CCDC18: variants seen among roughly 807,000 people sequenced by gnomAD.
CCDC18 encodes the protein coiled-coil domain-containing protein 18.
In CCDC18, 157 loss-of-function variants were observed where a neutral mutation model predicts 196.0. The ratio of observed to expected loss-of-function variants is 0.80; its 90% CI spans 0.70 to 0.91. The LOEUF (loss-of-function observed/expected upper bound fraction) is 0.91, where lower values mean the gene tolerates loss of function less well. Among genes scored for constraint, CCDC18 ranks in the 40% least tolerant of loss-of-function variants. The pLI is 0.00. For missense variants in CCDC18, 1,465 were observed against 1,611.6 expected (o/e 0.91, Z 1.56); for synonymous variants, 482 against 529.2 (o/e 0.91, Z 1.22).
rs748500228 is a variant in CCDC18, at chr1:93,201,959, A to G, written c.766A>G (p.Lys256Glu). The change falls in exon 7 of 29, where the codon AAA becomes GAA. Residue 256 changes from lysine (K) to glutamate (E), a missense_variant. Transcript: ENST00000690025. ...GCTGAGTAAAGCTTTCCAACAATAT[A>G]AAAAAAAAGTGGCTGAAAAACTGGA... ...EELSKAFQQY[K>E]KKVAEKLEKV... 1 of 1,551,808 alleles carries G rather than the reference A, an allele frequency of 6.4e-7. No homozygotes were observed. The highest frequency in any genetic ancestry group is 8.8e-7 in the Non-Finnish European group (1 of 1,136,654).
chr1:93,255,015 C>T (rs1403449808), intron 24 of CCDC18, among the ~76,000 whole-genome samples: 5 of 116,680 alleles, frequency 4.3e-5, no homozygotes, highest in Non-Finnish European at 8.1e-5. Context: ...TGCAGTGGCT[C>T]AATCTTGGCT....
chr1:93,219,867 A>T (rs1046326557), intron 14 of CCDC18, among the ~76,000 whole-genome samples: 4 of 152,182 alleles, frequency 2.6e-5, no homozygotes, highest in East Asian at 1.9e-4. Context: ...CAGAGAAAAA[A>T]TTTTTTTTCC....
In CCDC18 at chr1:93,270,518, C is replaced by T. The variant is rs753492470; in HGVS notation, c.4057C>T (p.Arg1353Cys). 328 of 1,550,218 alleles carry T rather than the reference C, an allele frequency of 2.1e-4. 1 individual carries two copies. Among genetic ancestry groups the T allele is most frequent in the Non-Finnish European group, 2.6e-4 (302 of 1,146,878 alleles). ...TTTTTCCAAGTGTACAAAATTACGT[C>T]GCTCTATTAGTGCCAGTGATCTTAC... Reference protein sequence around the residue: ...TSFSKCTKLRRSISASDLTFK... With the variant: ...TSFSKCTKLRCSISASDLTFK... The change falls in exon 28 of 29, where the codon CGC (arginine) becomes TGC (cysteine). Residue 1353 changes from arginine (R) to cysteine (C), a missense_variant. Physicochemically the swap from Arg to Cys is radical, Grantham distance 180. Transcript: ENST00000690025.
intron 12 of CCDC18, among the ~76,000 whole-genome samples, chr1:93,216,344 G>A (rs1262246983): frequency 6.6e-6 from 1 of 152,082 alleles, no homozygotes; most frequent in Non-Finnish European, 1.5e-5. Context: ...TGTCCTTTTT[G>A]GATATAGGGG....
upstream of CCDC18, chr1:93,180,124 A>T (rs771126690): frequency 6.2e-7 from 1 of 1,613,682 alleles, no homozygotes; most frequent in South Asian, 1.1e-5. Flanking sequence ...GCCGGCGGGA[A>T]GGGTAAAGGT....
chr1:93,212,043 T>C (rs976424603), intron 10 of CCDC18, 58 bp from the exon 11 acceptor site: 1 of 1,394,596 alleles, frequency 7.2e-7, no homozygotes, highest in African/African-American at 1.5e-5. Flanking sequence ...AATAGTACAG[T>C]ATGAGTTTTT....
intron 25 of CCDC18, among the ~76,000 whole-genome samples, chr1:93,257,566 T>G (rs781586906): frequency 6.6e-6 from 1 of 152,108 alleles, no homozygotes; most frequent in Non-Finnish European, 1.5e-5. Context: ...GGAACTGAAT[T>G]AAAATATTTT....
chr1:93,217,070 G>A (rs1280526896), intron 13 of CCDC18, among the ~76,000 whole-genome samples: 1 of 151,646 alleles, frequency 6.6e-6, no homozygotes, highest in Non-Finnish European at 1.5e-5. Flanking sequence ...GAGTAGCTGG[G>A]ACTACAGGCG....
At position 93,232,496 on chromosome 1, in the gene CCDC18, T is replaced by C. The variant is rs1570480081; in HGVS notation, c.2363T>C (p.Ile788Thr). 1 of 1,612,694 alleles carries C rather than the reference T, an allele frequency of 6.2e-7. No individual in the cohort carries two copies. Among genetic ancestry groups the C allele is most frequent in the Middle Eastern group, 1.7e-4 (1 of 6,060 alleles). ...SLQETSEQNV[I>T]LQHTLQQQQQ... The stretch of plus-strand genomic sequence containing the variant: ...CAAGAGACTTCTGAGCAAAACGTTA[T>C]TCTACAGCATACTCTTCAGCAACAG... Residue 788 changes from isoleucine (I) to threonine (T), a missense_variant, in exon 18 of 29, where the codon ATT (isoleucine) becomes ACT (threonine). Ile to Thr is a moderately conservative substitution (Grantham distance 89). Transcript: ENST00000690025.
chr1:93,224,640 C>T (rs1658004813), intron 16 of CCDC18, among the ~76,000 whole-genome samples: 1 of 152,162 alleles, frequency 6.6e-6, no homozygotes, highest in Admixed American at 6.5e-5. Context: ...TGCCAGATCT[C>T]ATTATTTTAA....
intron 7 of CCDC18, among the ~76,000 whole-genome samples, chr1:93,203,379 T>C (rs1654161371): frequency 6.6e-6 from 1 of 152,320 alleles, no homozygotes; most frequent in South Asian, 2.1e-4. Flanking sequence ...TTTGTATCTA[T>C]AGGTCTGGAT....
intron 18 of CCDC18, among the ~76,000 whole-genome samples, chr1:93,235,502 T>C (rs556830342): frequency 2.0e-5 from 3 of 152,280 alleles, no homozygotes; most frequent in Admixed American, 2.0e-4. Flanking sequence ...CCTCTGGCTA[T>C]GGGTTGAAGA....
At chr1:93,243,628 TC>T (rs1661121878) in intron 21 of CCDC18, among the ~76,000 whole-genome samples, 1 of 152,252 alleles carries the variant, frequency 6.6e-6, no homozygotes, top group Non-Finnish European at 1.5e-5. Flanking sequence ...CACACTCAAG[TC>T]ACCTCTGGAG....
chr1:93,185,120 G>A (rs1650407674), intron 3 of CCDC18, among the ~76,000 whole-genome samples: 1 of 151,676 alleles, frequency 6.6e-6, no homozygotes, highest in South Asian at 2.1e-4. Context: ...CTAATGAAAA[G>A]GTGTCCAATT....
At chr1:93,227,957 CA>C (rs71586784) in intron 17 of CCDC18, among the ~76,000 whole-genome samples, 1,113 of 105,144 alleles carry the variant, frequency 0.011, 8 homozygotes, top group Middle Eastern at 0.018. Flanking sequence ...GACCCTATCT[CA>C]AAAAAAAAAA....
At position 93,236,460 on chromosome 1, in the gene CCDC18, T is replaced by C. The variant is rs1660085375; in HGVS notation, c.2603+70T>C. On this transcript the variant is annotated intron_variant, in intron 19 of 28. Transcript: ENST00000690025. ...GTGGTATCTGAGTTTTGAAATCAGA[T>C]AATGTTCAGTGGAGCATTTGCTTGA... is the stretch of plus-strand genomic sequence containing the variant. 7 of 1,425,616 alleles carry C rather than the reference T, an allele frequency of 4.9e-6. No individual in the cohort carries two copies. The South Asian group carries it at 7.9e-5, about 16-fold the overall frequency. 88.3% of individuals were successfully genotyped at this position (1,425,616 alleles called of 1,614,324 possible).
Position 93,212,225 on chromosome 1 carries a change from G to C in CCDC18, c.1459G>C (p.Glu487Gln). 6.2e-7 allele frequency: 1 copy of C among 1,605,604 alleles called. No individual in the cohort carries two copies. The highest frequency in any genetic ancestry group is 8.5e-7 in the Non-Finnish European group (1 of 1,177,098). The change falls in exon 11 of 29, where the codon GAA becomes CAA. Residue 487 changes from glutamate (E) to glutamine (Q), a missense_variant. Physicochemically the swap from Glu to Gln is conservative, Grantham distance 29 (BLOSUM62 2). Coordinates refer to ENST00000690025, the MANE Select transcript of CCDC18 (RefSeq NM_001378204.1). ...SQESSKLSSL[E>Q]TEPVKLGGHQ... is the part of the protein sequence containing the mutation. ...AGAAAGTAGCAAATTAAGTAGTTTA[G>C]AAACAGAACCTGTAAAGCTAGGTGG...
Position 93,233,415 on chromosome 1 carries a change from TGAAAA to T in CCDC18, c.2460+827_2460+831del, listed in dbSNP as rs1463996467. 1.3e-4 allele frequency among the ~76,000 whole-genome samples: 20 copies of T among 152,364 alleles called. No homozygotes were observed. The South Asian group carries it at 2.9e-3, about 22-fold the overall frequency. On this transcript the variant is annotated intron_variant, in intron 18 of 28. Coordinates refer to ENST00000690025, the MANE Select transcript of CCDC18 (RefSeq NM_001378204.1). ...TTACATTCTTATTTTGTTTTTTCTT[TGAAAA>T]GAAATCAAATTTACAGTAATGTGTA...
chr1:93,204,580 C>G (rs192671278), intron 7 of CCDC18, among the ~76,000 whole-genome samples: 98 of 152,130 alleles, frequency 6.4e-4, no homozygotes, highest in African/African-American at 2.1e-3. Context: ...ATTATCATGA[C>G]AGCTACATGA....
Sources: allele counts gnomAD v4.1 joint callset (sites outside exome capture counted in the v4.1 genomes callset), GRCh38; gene constraint gnomAD v4.1.1; transcripts MANE v1.5; gene names NCBI Gene and HGNC (gene_info 2026-07-23, HGNC 2026-07-21).